Variants in HACE1 observed in about 807,000 individuals in gnomAD.
HACE1 encodes E3 ubiquitin-protein ligase HACE1.
A neutral mutation model predicts 118.4 loss-of-function variants in HACE1; 73 were observed. That is an observed-to-expected ratio of 0.62 (90% CI 0.51 to 0.75). HACE1 has a LOEUF of 0.75. Ranked by LOEUF, HACE1 falls within the 30% of genes least tolerant of loss-of-function variation. The pLI, the probability that HACE1 is intolerant of heterozygous loss-of-function variation, is 0.00. For missense variants in HACE1, 749 were observed against 1,102.2 expected, an observed-to-expected ratio of 0.68 and a Z score of 4.54; for synonymous variants, 368 against 374.8, an observed-to-expected ratio of 0.98 and a Z score of 0.21.
At chr6:104,801,136 A>T (rs1770293229) in intron 7 of HACE1, among the ~76,000 whole-genome samples, 1 of 152,180 alleles carries the variant, frequency 6.6e-6, no homozygotes, top group African/African-American at 2.4e-5. Flanking sequence ...GATCAAATTA[A>T]TGACATAAAG....
chr6:104,752,913 TG>T (rs1310561232), intron 19 of HACE1, among the ~76,000 whole-genome samples: 1 of 152,108 alleles, frequency 6.6e-6, no homozygotes, highest in Non-Finnish European at 1.5e-5. Context: ...GTAATTCAAA[TG>T]TGGATGGCAG....
At chr6:104,754,751 C>A (rs1202236302) in intron 19 of HACE1, among the ~76,000 whole-genome samples, 1 of 152,144 alleles carries the variant, frequency 6.6e-6, no homozygotes, top group African/African-American at 2.4e-5. Flanking sequence ...GAATTTGTTA[C>A]TACCAGTCCT....
chr6:104,781,949 C>T (rs572876819), intron 14 of HACE1, among the ~76,000 whole-genome samples: 2 of 152,056 alleles, frequency 1.3e-5, no homozygotes, highest in Non-Finnish European at 2.9e-5. Context: ...ACTAAATTGT[C>T]CAGGAAGGGA....
chr6:104,801,112 T>C (rs1209797474), intron 7 of HACE1, among the ~76,000 whole-genome samples: 1 of 152,144 alleles, frequency 6.6e-6, no homozygotes, highest in Non-Finnish European at 1.5e-5. Flanking sequence ...GAAGAAAGGA[T>C]ATCAGTGATT....
chr6:104,770,940 C>T (rs1007249171), intron 19 of HACE1, among the ~76,000 whole-genome samples: 1 of 152,114 alleles, frequency 6.6e-6, no homozygotes, highest in Admixed American at 6.6e-5. Context: ...AATGCATATG[C>T]CCAATTTATA....
At chr6:104,798,251 A>G (rs767316187) in intron 7 of HACE1, among the ~76,000 whole-genome samples, 2 of 152,136 alleles carry the variant, frequency 1.3e-5, no homozygotes, top group African/African-American at 2.4e-5. Flanking sequence ...TTTCCACAAT[A>G]ACATTACCTA....
chr6:104,791,550 T>C lies in HACE1; in HGVS notation c.1028A>G (p.Asp343Gly). Residue 343 changes from aspartate to glycine, a missense_variant, in exon 11 of 24, where the codon GAT (aspartate) becomes GGT (glycine). Around this residue, in one of 5 missense-constraint regions of HACE1, gnomAD observed 267 missense variants for 312.2 expected, o/e 0.86. Transcript: ENST00000262903. The stretch of plus-strand genomic sequence containing the variant: ...AGTTTTATTCCCATTGTAGCCCATA[T>C]CAATTCCATTACTGGGGGAGGATGG... ...IGPSSPSNGI[D>G]MGYNGNKTPR... 10 of 1,612,984 alleles carry C rather than the reference T, an allele frequency of 6.2e-6. No individual in the cohort carries two copies. Among genetic ancestry groups the C allele is most frequent in the African/African-American group, 1.3e-5 (1 of 75,004 alleles).
chr6:104,779,321 G>C (rs1195848108), intron 14 of HACE1, among the ~76,000 whole-genome samples: 1 of 152,110 alleles, frequency 6.6e-6, no homozygotes, highest in Non-Finnish European at 1.5e-5. Flanking sequence ...CTTCATCTGA[G>C]CTAAATTAAA....
Position 104,824,133 on chromosome 6 carries a change from G to A in HACE1, c.534+8909C>T, listed in dbSNP as rs117330697. ...TGGCTGTTTCTACTGAGCCTTGTTC[G>A]GAAGGTGAGCCCTCCCAAGTCTCTT... On this transcript the variant is annotated intron_variant, in intron 6 of 23. Coordinates refer to ENST00000262903, the MANE Select transcript of HACE1 (RefSeq NM_020771.4). Among the ~76,000 whole-genome samples, 8 of 152,230 alleles carry A rather than the reference G, an allele frequency of 5.3e-5. No individual in the cohort carries two copies. In the East Asian group the frequency reaches 7.7e-4, roughly 15 times the overall value.
intron 4 of HACE1, among the ~76,000 whole-genome samples, chr6:104,843,930 C>A (rs1222930933): frequency 6.6e-6 from 1 of 150,384 alleles, no homozygotes; most frequent in Non-Finnish European, 1.5e-5. Flanking sequence ...ACGCTTGGTT[C>A]ACTACAACAT....
intron 19 of HACE1, among the ~76,000 whole-genome samples, chr6:104,753,116 T>C (rs1347196524): frequency 6.6e-6 from 1 of 152,216 alleles, no homozygotes; most frequent in Non-Finnish European, 1.5e-5. Flanking sequence ...AACAAATTAA[T>C]ATTATCTTGA....
At chr6:104,851,127 A>G (rs1776161822) in intron 2 of HACE1, 131 bp from the exon 3 acceptor site, 2 of 663,428 alleles carry the variant, frequency 3.0e-6, no homozygotes, top group Non-Finnish European at 5.5e-6. Context: ...CTCTGTCACC[A>G]GGCTGGAGTA....
intron 6 of HACE1, among the ~76,000 whole-genome samples, chr6:104,815,479 C>T (rs1404979274): frequency 1.5e-5 from 2 of 136,068 alleles, no homozygotes; most frequent in Admixed American, 7.2e-5. Flanking sequence ...GTGATTCTCC[C>T]GCCTCCCAGG....
chr6:104,780,459 T>G (rs1035777968), intron 14 of HACE1: 1 of 358,746 alleles, frequency 2.8e-6, no homozygotes, highest in Non-Finnish European at 5.4e-6. Flanking sequence ...ACTGGCCACC[T>G]GAAAACCACC....
At chr6:104,830,295 T>A (rs576446624) in intron 6 of HACE1, among the ~76,000 whole-genome samples, 3 of 152,154 alleles carry the variant, frequency 2.0e-5, no homozygotes, top group Non-Finnish European at 4.4e-5. Flanking sequence ...TTTTCCCACA[T>A]AGAATACGTT....
At chr6:104,859,386 G>A (rs1347600698) in intron 1 of HACE1, 181 bp downstream of exon 1, 4 of 541,622 alleles carry the variant, frequency 7.4e-6, no homozygotes, top group Non-Finnish European at 1.3e-5. Context: ...CACCTGCCGG[G>A]GTGGGAGCGT....
chr6:104,847,003 A>G (rs932671970), intron 4 of HACE1, among the ~76,000 whole-genome samples: 3 of 152,346 alleles, frequency 2.0e-5, no homozygotes, highest in African/African-American at 2.4e-5. Context: ...AATATCTGCC[A>G]TATTTCTTCA....
rs1323910464 is a variant in HACE1 at position 104,841,482 on chromosome 6, T to C, written c.402+1741A>G. 2.6e-5 allele frequency among the ~76,000 whole-genome samples: 4 copies of C among 152,282 alleles called. No individual in the cohort carries two copies. In the South Asian group the frequency reaches 6.2e-4, roughly 24 times the overall value. ...CGTGTCACTAAGCATCCTACGGATA[T>C]TCAGAATACAGTCTTTCCTTACAGA... On this transcript the variant is annotated intron_variant, in intron 5 of 23. Coordinates refer to ENST00000262903, the MANE Select transcript of HACE1 (RefSeq NM_020771.4).
At position 104,791,613 on chromosome 6, in the gene HACE1, C is replaced by T. The variant is rs757950761; in HGVS notation, c.965G>A (p.Arg322Lys). ...NYDAQMKSLLRIVRMFCHVFR... is the reference protein window; with the variant it reads ...NYDAQMKSLLKIVRMFCHVFR... ...GACGTGACAAAACATTCTCACAATC[C>T]TTAAAAGGCTCTTCATTTGAGCATC... Residue 322 changes from arginine to lysine, a missense_variant, in exon 11 of 24, where the codon AGG becomes AAG. Physicochemically the swap from Arg to Lys is conservative, Grantham distance 26. Coordinates refer to ENST00000262903, the MANE Select transcript of HACE1 (RefSeq NM_020771.4). The T allele has an allele frequency of 5.0e-6, 8 of 1,611,592 alleles. No individual in the cohort carries two copies. The highest frequency in any genetic ancestry group is 6.8e-6 in the Non-Finnish European group (8 of 1,177,838).
Sources: gnomAD v4.1 joint callset for allele counts (sites outside exome capture counted in the v4.1 genomes callset) on GRCh38, gnomAD v4.1.1 for gene constraint, gnomAD v4.1.1 regional missense constraint, MANE v1.5 for transcripts, NCBI Gene and HGNC (gene_info 2026-07-23, HGNC 2026-07-21) for gene names.